Variants in KLF1 observed in about 807,000 individuals in gnomAD.
The protein encoded by KLF1 is KLF transcription factor 1.
Under a neutral mutation model 28.0 loss-of-function variants are expected in KLF1, and 29 were observed. The observed-to-expected ratio is 1.04, with a 90% CI of 0.77 to 1.41. KLF1 has a LOEUF of 1.41. Ranked by LOEUF, KLF1 falls within the 40% of genes most tolerant of loss-of-function variation. The pLI, the probability that KLF1 is intolerant of heterozygous loss-of-function variation, is 0.00. For synonymous variants in KLF1, 262 were observed against 242.6 expected (o/e 1.08, Z -0.74); for missense variants, 508 against 515.1 (o/e 0.99, Z 0.13).
Position 12,885,325 on chromosome 19 carries a change from G to T in KLF1, c.905C>A (p.Thr302Lys), listed in dbSNP as rs963532123. Residue 302 changes from threonine to lysine, a missense_variant, in exon 2 of 3, where the codon ACG becomes AAG. Coordinates refer to ENST00000264834, the MANE Select transcript of KLF1 (RefSeq NM_006563.5). This position sits in a 1 kb window ranked among gnomAD's most constrained non-coding sequence, Gnocchi z 5.6. ...KSSHLKAHLR[T>K]HTGEKPYACT... is the part of the protein sequence containing the mutation. Reference sequence around the variant, plus strand: ...GGGCCCCGCCCCCTCACCTGTGTGCGTGCGCAGATGCGCCTTCAGGTGGGA... The same window carrying T: ...GGGCCCCGCCCCCTCACCTGTGTGCTTGCGCAGATGCGCCTTCAGGTGGGA... 3.6e-5 allele frequency: 57 copies of T among 1,586,812 alleles called. No homozygotes were observed. The highest frequency in any genetic ancestry group is 4.7e-5 in the Non-Finnish European group (55 of 1,166,452).
chr19:12,884,706 C>T lies in KLF1; in HGVS notation c.*179G>A. On this transcript the variant is annotated 3_prime_UTR_variant, in exon 3 of 3. Coordinates refer to ENST00000264834, the MANE Select transcript of KLF1 (RefSeq NM_006563.5). The stretch of plus-strand genomic sequence containing the variant: ...TTTTCCGTAAGAGGCTCCCCCAGGG[C>T]TGTCTATGGGTCCGTGTTTGATATT... 1.5e-6 allele frequency: 1 copy of T among 670,072 alleles called. No homozygotes were observed. The highest frequency in any genetic ancestry group is 2.6e-6 in the Non-Finnish European group (1 of 389,450). The allele number at this position is 670,072 out of a possible 1,614,324, so 41.5% of individuals were successfully genotyped here.
Position 12,885,437 on chromosome 19 carries a change from T to A in KLF1, c.793A>T (p.Lys265Ter). 1 of 1,605,738 alleles carries A rather than the reference T, an allele frequency of 6.2e-7. No individual in the cohort carries two copies. Among genetic ancestry groups the A allele is most frequent in the Non-Finnish European group, 8.5e-7 (1 of 1,176,822 alleles). Residue 265 changes from lysine to a stop codon, truncating the protein, a stop_gained, in exon 2 of 3, where the codon AAG (lysine) becomes TAG (stop). Coordinates refer to ENST00000264834, the MANE Select transcript of KLF1 (RefSeq NM_006563.5). LOFTEE classifies it high-confidence loss of function. The surrounding 1 kb of genome is among the most constrained non-coding windows in gnomAD (Gnocchi z 5.6). ...CGCGCCCACGAACGTCGGCCTCGCT[T>A]GGATGGCGCGGTCTCGGCTATCACA... ...PGVIAETAPSKRGRRSWARKR... is the reference protein window; with the variant it reads ...PGVIAETAPS
chr19:12,884,687 G>A lies in KLF1; in HGVS notation c.*198C>T, dbSNP rs923769370. On this transcript the variant is annotated 3_prime_UTR_variant, in exon 3 of 3. Coordinates refer to ENST00000264834, the MANE Select transcript of KLF1 (RefSeq NM_006563.5). ...TGGCTGAAGGCTTGTCGGATTTTCC[G>A]TAAGAGGCTCCCCCAGGGCTGTCTA... 9 of 625,410 alleles carry A rather than the reference G, an allele frequency of 1.4e-5. No individual in the cohort carries two copies. The East Asian group carries it at 1.7e-4, about 12-fold the overall frequency. The allele number at this position is 625,410 out of a possible 1,614,324, so 38.7% of individuals were successfully genotyped here. A position where few individuals can be genotyped will look rare whatever the true frequency, so the allele number is the denominator to read the frequency against.
chr19:12,885,847 C>T lies in KLF1; in HGVS notation c.383G>A (p.Gly128Asp). Residue 128 changes from glycine (G) to aspartate (D), a missense_variant, in exon 2 of 3, where the codon GGT (glycine) becomes GAT (aspartate). Physicochemically the swap from Gly to Asp is moderately conservative, Grantham distance 94. Coordinates refer to ENST00000264834, the MANE Select transcript of KLF1 (RefSeq NM_006563.5). This position sits in a 1 kb window ranked among gnomAD's most constrained non-coding sequence, Gnocchi z 5.6. ...GGPGLVAGLL[G>D]SEDHSGWVRP... ...CACCCAACCCGAGTGATCCTCCGAA[C>T]CCAAAAGCCCAGCCACCAGCCCCGG... 6.4e-7 allele frequency: 1 copy of T among 1,551,442 alleles called. No individual in the cohort carries two copies. Among genetic ancestry groups the T allele is most frequent in the Non-Finnish European group, 8.7e-7 (1 of 1,147,754 alleles).
intron 1 of KLF1, among the ~76,000 whole-genome samples, 164 bp downstream of exon 1, chr19:12,886,889 AC>A (rs1004680080): frequency 2.0e-5 from 3 of 151,248 alleles, no homozygotes; most frequent in African/African-American, 7.3e-5. Flanking sequence ...CACCCTCCTC[AC>A]CCCCTGCCAG....
Position 12,887,023 on chromosome 19 carries a change from GC to G in KLF1, c.87+30del. Reference sequence around the variant, plus strand: ...TGACTGTGGCCCTGGATTCCAGCCAGCCCACCTAGACCCCACCTTCTAGGCC... The same window carrying G: ...TGACTGTGGCCCTGGATTCCAGCCAGCCACCTAGACCCCACCTTCTAGGCC... On this transcript the variant is annotated intron_variant, in intron 1 of 2. Transcript: ENST00000264834. This position sits in a 1 kb window ranked among gnomAD's most constrained non-coding sequence, Gnocchi z 4.7. 1 of 1,608,296 alleles carries G rather than the reference GC, an allele frequency of 6.2e-7. No individual in the cohort carries two copies. The highest frequency in any genetic ancestry group is 1.3e-5 in the African/African-American group (1 of 74,926).
Position 12,885,978 on chromosome 19 carries a change from G to T in KLF1, c.252C>A (p.Gly84=), listed in dbSNP as rs1246223545. 32 of 1,585,636 alleles carry T rather than the reference G, an allele frequency of 2.0e-5. No individual in the cohort carries two copies. Among genetic ancestry groups the T allele is most frequent in the East Asian group, 2.3e-5 (1 of 43,340 alleles). Residue 84 remains glycine, a synonymous_variant, in exon 2 of 3, where the codon GGC becomes GGA. Coordinates refer to ENST00000264834, the MANE Select transcript of KLF1 (RefSeq NM_006563.5). The surrounding 1 kb of genome is among the most constrained non-coding windows in gnomAD (Gnocchi z 5.6). ...DLDLLLTNFS[G]PEPGGAPQTC... is the part of the protein sequence containing the mutation. ...TCTGGGGCGCGCCACCGGGCTCCGG[G>T]CCCGAGAAGTTGGTGAGGAGGAGAT...
Position 12,884,597 on chromosome 19 carries a change from G to A in KLF1, c.*288C>T, listed in dbSNP as rs1355003608. On this transcript the variant is annotated 3_prime_UTR_variant, in exon 3 of 3. Coordinates refer to ENST00000264834, the MANE Select transcript of KLF1 (RefSeq NM_006563.5). Reference sequence around the variant, plus strand: ...GCTGGTCTGAGTGTCCACTGAGTCCGTTTATTTGGCGGTCTGTCTCACTGG... The same window carrying A: ...GCTGGTCTGAGTGTCCACTGAGTCCATTTATTTGGCGGTCTGTCTCACTGG... 2 of 482,060 alleles carry A rather than the reference G, an allele frequency of 4.1e-6. No individual in the cohort carries two copies. Among genetic ancestry groups the A allele is most frequent in the East Asian group, 7.9e-5 (2 of 25,210 alleles). 29.9% of individuals were successfully genotyped at this position (482,060 alleles called of 1,614,324 possible).
At chr19:12,886,708 T>G (rs988597782) in intron 1 of KLF1, among the ~76,000 whole-genome samples, 2 of 151,674 alleles carry the variant, frequency 1.3e-5, no homozygotes, top group East Asian at 3.9e-4. Context: ...TGGGCTCTAA[T>G]GATCCTCCTG....
chr19:12,884,705 GCTGT>G lies in KLF1; in HGVS notation c.*176_*179del. On this transcript the variant is annotated 3_prime_UTR_variant, in exon 3 of 3. Transcript: ENST00000264834. ...ATTTTCCGTAAGAGGCTCCCCCAGG[GCTGT>G]CTATGGGTCCGTGTTTGATATTTGG... is the stretch of plus-strand genomic sequence containing the variant. The G allele has an allele frequency of 1.5e-6, 1 of 667,324 alleles. No homozygotes were observed. 41.3% of individuals were successfully genotyped at this position (667,324 alleles called of 1,614,324 possible).
chr19:12,886,909 G>T, intron 1 of KLF1, 145 bp downstream of exon 1: 1 of 829,280 alleles, frequency 1.2e-6, no homozygotes. Flanking sequence ...AGACTAAGCT[G>T]AGATCTCCTC....
Position 12,885,026 on chromosome 19 carries a change from G to T in KLF1, c.948C>A (p.Cys316Ter), listed in dbSNP as rs572756401. 11 of 1,608,358 alleles carry T rather than the reference G, an allele frequency of 6.8e-6. No homozygotes were observed. In the South Asian group the frequency reaches 1.2e-4, roughly 18 times the overall value. ...CGTCCGAGCGCGCGAATCTCCAGCCGCAGCCTTCCCACGTGCAGGCGTATG... is the reference window on the plus strand; with the variant it reads ...CGTCCGAGCGCGCGAATCTCCAGCCTCAGCCTTCCCACGTGCAGGCGTATG... ...EKPYACTWEGCGWRFARSDEL... is the reference protein window; with the variant it reads ...EKPYACTWEG Residue 316 changes from cysteine (C) to a stop codon, truncating the protein, a stop_gained, in exon 3 of 3, where the codon TGC (cysteine) becomes TGA (stop). Transcript: ENST00000264834. LOFTEE classifies it high-confidence loss of function. This position sits in a 1 kb window ranked among gnomAD's most constrained non-coding sequence, Gnocchi z 5.6.
At position 12,885,271 on chromosome 19, in the gene KLF1, A is replaced by G; in HGVS notation, c.913+46T>C. 2 of 1,508,702 alleles carry G rather than the reference A, an allele frequency of 1.3e-6. No homozygotes were observed. The highest frequency in any genetic ancestry group is 1.8e-6 in the Non-Finnish European group (2 of 1,111,378). The allele number at this position is 1,508,702 out of a possible 1,614,324, so 93.5% of individuals were successfully genotyped here. A position where few individuals can be genotyped will look rare whatever the true frequency, so the allele number is the denominator to read the frequency against. ...GCAACCCTTCTTCCCCTGTAACTACAGCGGGCGCCGCGCCCTTTCTCATGT... is the reference window on the plus strand; with the variant it reads ...GCAACCCTTCTTCCCCTGTAACTACGGCGGGCGCCGCGCCCTTTCTCATGT... On this transcript the variant is annotated intron_variant, in intron 2 of 2. Coordinates refer to ENST00000264834, the MANE Select transcript of KLF1 (RefSeq NM_006563.5). The surrounding 1 kb of genome is among the most constrained non-coding windows in gnomAD (Gnocchi z 5.6).
At position 12,885,682 on chromosome 19, in the gene KLF1, G is replaced by A; in HGVS notation, c.548C>T (p.Pro183Leu). ...PGAGSSGGYFPRTGLSVPAAS... is the reference protein window; with the variant it reads ...PGAGSSGGYFLRTGLSVPAAS... ...CGCAGGCACTGAAAGCCCGGTCCGCGGGAAGTAGCCACCCGAGGAGCCGGC... is the reference window on the plus strand; with the variant it reads ...CGCAGGCACTGAAAGCCCGGTCCGCAGGAAGTAGCCACCCGAGGAGCCGGC... Residue 183 changes from proline (P) to leucine (L), a missense_variant, in exon 2 of 3, where the codon CCG (proline) becomes CTG (leucine). Transcript: ENST00000264834. The surrounding 1 kb of genome is among the most constrained non-coding windows in gnomAD (Gnocchi z 5.6). 2.0e-6 allele frequency: 3 copies of A among 1,535,656 alleles called. No individual in the cohort carries two copies. The highest frequency in any genetic ancestry group is 1.8e-6 in the Non-Finnish European group (2 of 1,139,838).
chr19:12,885,326 T>TGCGC lies in KLF1; in HGVS notation c.900_903dup (p.Thr302AlafsTer52), dbSNP rs1282233748. The TGCGC allele has an allele frequency of 6.3e-7, 1 of 1,587,620 alleles. No homozygotes were observed. The highest frequency in any genetic ancestry group is 8.6e-7 in the Non-Finnish European group (1 of 1,166,822). On this transcript the variant is annotated frameshift_variant, in exon 2 of 3. Coordinates refer to ENST00000264834, the MANE Select transcript of KLF1 (RefSeq NM_006563.5). LOFTEE classifies it high-confidence loss of function. The surrounding 1 kb of genome is among the most constrained non-coding windows in gnomAD (Gnocchi z 5.6). ...GGCCCCGCCCCCTCACCTGTGTGCGTGCGCAGATGCGCCTTCAGGTGGGAG... is the reference window on the plus strand; with the variant it reads ...GGCCCCGCCCCCTCACCTGTGTGCGTGCGCGCGCAGATGCGCCTTCAGGTGGGAG...
rs778904219 is a variant in KLF1, at chr19:12,884,883, G to A, written c.*2C>T. On this transcript the variant is annotated 3_prime_UTR_variant, in exon 3 of 3. Coordinates refer to ENST00000264834, the MANE Select transcript of KLF1 (RefSeq NM_006563.5). ...AGGAGAGTCCAAGTGCCAGGGCAGG[G>A]CTCAAAGGTGGCGCTTCATGTGCAA... 30 of 1,613,592 alleles carry A rather than the reference G, an allele frequency of 1.9e-5. No individual in the cohort carries two copies. Among genetic ancestry groups the A allele is most frequent in the Non-Finnish European group, 1.6e-5 (19 of 1,180,016 alleles).
In KLF1 at chr19:12,885,294, T is replaced by C. The variant is rs1029025020; in HGVS notation, c.913+23A>G. 1.3e-6 allele frequency: 2 copies of C among 1,552,410 alleles called. No homozygotes were observed. Among genetic ancestry groups the C allele is most frequent in the East Asian group, 2.4e-5 (1 of 41,678 alleles). ...ACAGCGGGCGCCGCGCCCTTTCTCA[T>C]GTCCGGGGCCCCGCCCCCTCACCTG... is the stretch of plus-strand genomic sequence containing the variant. On this transcript the variant is annotated intron_variant, in intron 2 of 2. Coordinates refer to ENST00000264834, the MANE Select transcript of KLF1 (RefSeq NM_006563.5). The surrounding 1 kb of genome is among the most constrained non-coding windows in gnomAD (Gnocchi z 5.6).
In KLF1 at chr19:12,885,918, C is replaced by T. The variant is rs757745166; in HGVS notation, c.312G>A (p.Ala104=). The T allele has an allele frequency of 6.4e-7, 1 of 1,551,772 alleles. No homozygotes were observed. Among genetic ancestry groups the T allele is most frequent in the Non-Finnish European group, 8.7e-7 (1 of 1,147,714 alleles). Residue 104 remains alanine, a synonymous_variant, in exon 2 of 3, where the codon GCG becomes GCA. Coordinates refer to ENST00000264834, the MANE Select transcript of KLF1 (RefSeq NM_006563.5). The surrounding 1 kb of genome is among the most constrained non-coding windows in gnomAD (Gnocchi z 5.6). The stretch of plus-strand genomic sequence containing the variant: ...GAGTCTCGGGCGGCGGCGGATATTG[C>T]GCCCCGGAGGCCTCGCTGGGCGCCA... The part of the protein sequence containing the change: ...CALAPSEASG[A]QYPPPPETLG...
Position 12,885,910 on chromosome 19 carries a change from G to A in KLF1, c.320C>T (p.Pro107Leu), listed in dbSNP as rs751132405. ...TGCGCCCAGAGTCTCGGGCGGCGGC[G>A]GATATTGCGCCCCGGAGGCCTCGCT... ...APSEASGAQYPPPPETLGAYA... is the reference protein window; with the variant it reads ...APSEASGAQYLPPPETLGAYA... Residue 107 changes from proline to leucine, a missense_variant, in exon 2 of 3, where the codon CCG (proline) becomes CTG (leucine). Pro to Leu is a moderately conservative substitution (Grantham distance 98, BLOSUM62 -3). Coordinates refer to ENST00000264834, the MANE Select transcript of KLF1 (RefSeq NM_006563.5). The surrounding 1 kb of genome is among the most constrained non-coding windows in gnomAD (Gnocchi z 5.6). 9 of 1,551,796 alleles carry A rather than the reference G, an allele frequency of 5.8e-6. No homozygotes were observed. The African/African-American group carries it at 1.1e-4, about 19-fold the overall frequency.
Sources: gnomAD v4.1 joint callset for allele counts (sites outside exome capture counted in the v4.1 genomes callset) on GRCh38, gnomAD v4.1.1 for gene constraint, Gnocchi (gnomAD v3.1) non-coding constraint, MANE v1.5 for transcripts, NCBI Gene and HGNC (gene_info 2026-07-23, HGNC 2026-07-21) for gene names.